The following NEO1 variants were observed in gnomAD, a reference collection of about 807,000 sequenced individuals.
NEO1 encodes neogenin.
Under a neutral mutation model 159.7 loss-of-function variants are expected in NEO1, and 63 were observed. The observed-to-expected ratio is 0.39, with a 90% CI of 0.32 to 0.49. NEO1 has a LOEUF of 0.49. NEO1 is among the 20% of genes least tolerant of loss of function. The pLI, the probability that NEO1 is intolerant of heterozygous loss-of-function variation, is 0.85. For missense variants in NEO1, 1,615 were observed against 1,831.0 expected, an observed-to-expected ratio of 0.88 and a Z score of 2.15; for synonymous variants, 633 against 662.0, an observed-to-expected ratio of 0.96 and a Z score of 0.67.
rs1040151677 is a variant in NEO1, at chr15:73,288,969, G to A, written c.3650-177G>A. The A allele has an allele frequency of 5.0e-6, 3 of 598,422 alleles. No individual in the cohort carries two copies. The South Asian group carries it at 6.0e-5, about 12-fold the overall frequency. 37.1% of individuals were successfully genotyped at this position (598,422 alleles called of 1,614,324 possible). On this transcript the variant is annotated intron_variant, in intron 24 of 28. Coordinates refer to ENST00000261908, the MANE Select transcript of NEO1 (RefSeq NM_002499.4). ...TGTGACATCCACATTGATTCAGCAG[G>A]AACTCTTGTAATGCTCTAATGATCA...
intron 1 of NEO1, among the ~76,000 whole-genome samples, chr15:73,084,433 A>C (rs1415170595): frequency 6.6e-6 from 1 of 152,196 alleles, no homozygotes; most frequent in Non-Finnish European, 1.5e-5. Flanking sequence ...TATTGTACTT[A>C]AAATGTCCTC....
chr15:73,149,771 T>G (rs1389068725), intron 5 of NEO1, among the ~76,000 whole-genome samples: 2 of 152,244 alleles, frequency 1.3e-5, no homozygotes, highest in Non-Finnish European at 2.9e-5. Context: ...ATACATGTGA[T>G]ATTTTGATAC....
At chr15:73,142,984 T>TTC (rs2032547199) in intron 5 of NEO1, among the ~76,000 whole-genome samples, 2 of 151,984 alleles carry the variant, frequency 1.3e-5, no homozygotes, top group Non-Finnish European at 2.9e-5. Flanking sequence ...GAAAATGAAA[T>TTC]AAACTGAGTA....
At chr15:73,256,431 C>G (rs2150969110) in intron 13 of NEO1, among the ~76,000 whole-genome samples, 1 of 152,246 alleles carries the variant, frequency 6.6e-6, no homozygotes, top group Non-Finnish European at 1.5e-5. Flanking sequence ...ACCGGGGAGG[C>G]AGAGGCCGCA....
In NEO1 at chr15:73,298,503, G is replaced by A. The variant is rs775940410; in HGVS notation, c.4057G>A (p.Val1353Ile). 3 of 1,614,156 alleles carry A rather than the reference G, an allele frequency of 1.9e-6. No homozygotes were observed. The highest frequency in any genetic ancestry group is 2.5e-6 in the Non-Finnish European group (3 of 1,180,030). The change falls in exon 27 of 29, where the codon GTT becomes ATT. Residue 1353 changes from valine to isoleucine, a missense_variant. This residue lies in a region of NEO1 where 471 missense variants were observed against 498.9 expected (regional missense o/e 0.94). Coordinates refer to ENST00000261908, the MANE Select transcript of NEO1 (RefSeq NM_002499.4). ...AGGCCAGAGTCTTCCCACTGCCCAT[G>A]TTCGCCCTTCCCACCCATTGAAGAG... ...DSGQSLPTAH[V>I]RPSHPLKSFA...
At chr15:73,193,618 A>G (rs781695806) in intron 7 of NEO1, among the ~76,000 whole-genome samples, 4 of 147,182 alleles carry the variant, frequency 2.7e-5, no homozygotes, top group Admixed American at 6.9e-5. Flanking sequence ...GCCTAAGACA[A>G]TCCCCCAGCA....
At chr15:73,203,111 C>G (rs1464195875) in intron 7 of NEO1, among the ~76,000 whole-genome samples, 2 of 152,140 alleles carry the variant, frequency 1.3e-5, no homozygotes, top group African/African-American at 4.8e-5. Context: ...TTTCAATTCT[C>G]TAGTGTATAC....
chr15:73,171,299 A>G (rs2034950225), intron 5 of NEO1, among the ~76,000 whole-genome samples: 1 of 152,178 alleles, frequency 6.6e-6, no homozygotes, highest in Admixed American at 6.5e-5. Flanking sequence ...GTAGTGGCTC[A>G]TGCCTGTAAA....
chr15:73,120,391 TA>T (rs888452752), intron 2 of NEO1, among the ~76,000 whole-genome samples: 75 of 145,840 alleles, frequency 5.1e-4, no homozygotes, highest in Non-Finnish European at 6.7e-4. Flanking sequence ...CCCCTTGAAA[TA>T]AAAAAAAAAT....
chr15:73,138,755 C>CAAA (rs11368240), intron 5 of NEO1, among the ~76,000 whole-genome samples: 1 of 109,226 alleles, frequency 9.2e-6, no homozygotes, highest in East Asian at 3.1e-4. Context: ...GACTCCGTCT[C>CAAA]AAAAAAAAAA....
rs566268764 is a variant in NEO1, at chr15:73,247,335, A to G, written c.1607-1725A>G. On this transcript the variant is annotated intron_variant, in intron 9 of 28. Transcript: ENST00000261908. ...ATTATGCCACTGTACAGCTGAAATG[A>G]AAGAATTCATTAGCACCTTTTTTAG... 2.2e-4 allele frequency among the ~76,000 whole-genome samples: 33 copies of G among 152,326 alleles called. 1 individual carries two copies. Among genetic ancestry groups the G allele is most frequent in the African/African-American group, 7.9e-4 (33 of 41,576 alleles).
chr15:73,102,573 A>G (rs1433077743), intron 1 of NEO1, among the ~76,000 whole-genome samples: 1 of 152,122 alleles, frequency 6.6e-6, no homozygotes, highest in African/African-American at 2.4e-5. Flanking sequence ...GGGTCTCTCT[A>G]TCTAATGAAT....
At chr15:73,180,274 G>A (rs575334752) in intron 7 of NEO1, among the ~76,000 whole-genome samples, 2 of 152,122 alleles carry the variant, frequency 1.3e-5, no homozygotes, top group Admixed American at 6.5e-5. Flanking sequence ...CACTAACATG[G>A]CATATATGTA....
chr15:73,214,153 G>A (rs1483892954), intron 7 of NEO1, among the ~76,000 whole-genome samples: 1 of 152,044 alleles, frequency 6.6e-6, no homozygotes, highest in Non-Finnish European at 1.5e-5. Context: ...TGTCGATTCT[G>A]GATGTTAGTC....
chr15:73,292,894 T>C (rs537474739), intron 25 of NEO1, among the ~76,000 whole-genome samples: 1 of 152,360 alleles, frequency 6.6e-6, no homozygotes, highest in South Asian at 2.1e-4. Context: ...TTCAGCAGTT[T>C]TAACAAAGGC....
chr15:73,256,439 G>T, intron 13 of NEO1, among the ~76,000 whole-genome samples: 1 of 152,302 alleles, frequency 6.6e-6, no homozygotes, highest in East Asian at 1.9e-4. Context: ...GGCAGAGGCC[G>T]CAGTGAACTG....
Position 73,175,772 on chromosome 15 carries a change from TATG to T in NEO1, c.1016-628_1016-626del, listed in dbSNP as rs1336042749. On this transcript the variant is annotated intron_variant, in intron 5 of 28. Coordinates refer to ENST00000261908, the MANE Select transcript of NEO1 (RefSeq NM_002499.4). ...CTTCAACCCTTCTAATTAAAAATAT[TATG>T]ATCTATTATTTGTAAGTTAGCAATT... Among the ~76,000 whole-genome samples the T allele has an allele frequency of 3.3e-5, 5 of 152,352 alleles. No homozygotes were observed. In the South Asian group the frequency reaches 1.0e-3, roughly 32 times the overall value.
At chr15:73,174,081 T>C (rs781152397) in intron 5 of NEO1, among the ~76,000 whole-genome samples, 2 of 137,128 alleles carry the variant, frequency 1.5e-5, no homozygotes, top group Non-Finnish European at 3.1e-5. Context: ...GTCTGGGCAA[T>C]AGAGCGAGAC....
intron 12 of NEO1, 108 bp from the exon 13 acceptor site, chr15:73,254,574 G>T: frequency 8.8e-7 from 1 of 1,134,928 alleles, no homozygotes. Flanking sequence ...GTACCTTGCT[G>T]CCTCTATGTT....
Sources: gnomAD v4.1 joint callset for allele counts (sites outside exome capture counted in the v4.1 genomes callset) on GRCh38, gnomAD v4.1.1 for gene constraint, gnomAD v4.1.1 regional missense constraint, MANE v1.5 for transcripts, NCBI Gene and HGNC (gene_info 2026-07-23, HGNC 2026-07-21) for gene names.